The following ZNF667 variants were observed in gnomAD, a reference collection of about 807,000 sequenced individuals.
ZNF667 encodes zinc finger protein 667.
Under a neutral mutation model 31.8 loss-of-function variants are expected in ZNF667, and 13 were observed. The ratio of observed to expected loss-of-function variants is 0.41; its 90% CI spans 0.27 to 0.65. The LOEUF (loss-of-function observed/expected upper bound fraction) is 0.65. Ranked by LOEUF, ZNF667 falls within the 30% of genes least tolerant of loss-of-function variation. The pLI is 0.32. For missense variants in ZNF667, 642 were observed against 725.6 expected, an observed-to-expected ratio of 0.88 and a Z score of 1.32; for synonymous variants, 228 against 247.1, an observed-to-expected ratio of 0.92 and a Z score of 0.73.
At chr19:56,448,056 C>T (rs1600407330) in intron 6 of ZNF667, among the ~76,000 whole-genome samples, 2 of 152,190 alleles carry the variant, frequency 1.3e-5, no homozygotes, top group East Asian at 3.9e-4. Context: ...GTTTTAACAT[C>T]GTATTCAAAG....
rs1035442477 is a variant in ZNF667, at chr19:56,460,935, T to G, written c.34-120A>C. The G allele has an allele frequency of 3.8e-5, 41 of 1,080,336 alleles. No homozygotes were observed. In the African/African-American group the frequency reaches 6.5e-4, roughly 17 times the overall value. 66.9% of individuals were successfully genotyped at this position (1,080,336 alleles called of 1,614,324 possible). A position where few individuals can be genotyped will look rare whatever the true frequency, so the allele number is the denominator to read the frequency against. ...GGTACCAAGAATCATTCAGGAAGCATTCAGGGTTCTGAGGCCAAAAGGGGC... is the reference window on the plus strand; with the variant it reads ...GGTACCAAGAATCATTCAGGAAGCAGTCAGGGTTCTGAGGCCAAAAGGGGC... On this transcript the variant is annotated intron_variant, in intron 4 of 6. Transcript: ENST00000504904.
rs1054314292 is a variant in ZNF667, at chr19:56,444,040, A to T, written c.254-1299T>A. 3 of 388,794 alleles carry T rather than the reference A, an allele frequency of 7.7e-6. No homozygotes were observed. The Admixed American group carries it at 1.3e-4, about 17-fold the overall frequency. The allele number at this position is 388,794 out of a possible 1,614,324, so 24.1% of individuals were successfully genotyped here. On this transcript the variant is annotated intron_variant, in intron 6 of 6. Coordinates refer to ENST00000504904, the MANE Select transcript of ZNF667 (RefSeq NM_001321356.2). ...CTGTGAAAATTTACTACAAAAAAGT[A>T]TAAAGTATCTCATTGTAAAAATGCT...
At chr19:56,459,380 C>T (rs539864766) in intron 5 of ZNF667, among the ~76,000 whole-genome samples, 15 of 152,176 alleles carry the variant, frequency 9.9e-5, no homozygotes, top group Admixed American at 5.2e-4. Context: ...TCTGCTTCAC[C>T]AGCTGCTTCC....
intron 3 of ZNF667, among the ~76,000 whole-genome samples, chr19:56,463,622 G>A (rs1376531688): frequency 4.0e-5 from 6 of 151,766 alleles, no homozygotes; most frequent in East Asian, 1.9e-4. Context: ...CAACCTCCCC[G>A]GCTCAAGCGA....
At chr19:56,444,614 C>T (rs2042687531) in intron 6 of ZNF667, among the ~76,000 whole-genome samples, 1 of 136,172 alleles carries the variant, frequency 7.3e-6, no homozygotes, top group African/African-American at 2.8e-5. Context: ...GGTGAGAAAC[C>T]CACCCCCATG....
intron 5 of ZNF667, among the ~76,000 whole-genome samples, chr19:56,459,702 A>G (rs912943080): frequency 2.1e-5 from 3 of 145,116 alleles, no homozygotes; most frequent in African/African-American, 7.4e-5. Context: ...CTTAAATTCT[A>G]TCAAAAGAGG....
At chr19:56,453,368 T>A (rs2042872964) in intron 6 of ZNF667, among the ~76,000 whole-genome samples, 1 of 152,216 alleles carries the variant, frequency 6.6e-6, no homozygotes, top group African/African-American at 2.4e-5. Context: ...AAACTCATTC[T>A]ACAAGGCCAG....
intron 6 of ZNF667, among the ~76,000 whole-genome samples, chr19:56,446,704 AAAC>A (rs2042716983): frequency 6.6e-6 from 1 of 152,230 alleles, no homozygotes; most frequent in Non-Finnish European, 1.5e-5. Context: ...AAGTTCCAGA[AAAC>A]AACCAGACAA....
intron 6 of ZNF667, among the ~76,000 whole-genome samples, chr19:56,451,868 CAAAAAAAAAAAAAAA>C (rs71184363): frequency 1.3e-3 from 108 of 80,934 alleles, no homozygotes; most frequent in Middle Eastern, 0.011. Context: ...GACCCTGTCT[CAAAAAAAAAAAAAAA>C]AAAAAAAAAA....
intron 3 of ZNF667, among the ~76,000 whole-genome samples, chr19:56,466,469 G>A (rs913074481): frequency 6.6e-6 from 1 of 152,176 alleles, no homozygotes; most frequent in Non-Finnish European, 1.5e-5. Flanking sequence ...GCAGCTGGAG[G>A]TGTGGTTTCC....
chr19:56,461,769 G>A (rs920660595), intron 4 of ZNF667, among the ~76,000 whole-genome samples: 9 of 152,230 alleles, frequency 5.9e-5, no homozygotes, highest in Admixed American at 3.3e-4. Context: ...ATTGACAGTC[G>A]TGGAGCATGC....
At chr19:56,476,615 A>T (rs969088083) in intron 1 of ZNF667, among the ~76,000 whole-genome samples, 1 of 152,210 alleles carries the variant, frequency 6.6e-6, no homozygotes, top group East Asian at 1.9e-4. Flanking sequence ...TTTACCAAGG[A>T]GGAAAGTCAT....
intron 3 of ZNF667, among the ~76,000 whole-genome samples, chr19:56,466,094 T>C (rs568717701): frequency 5.9e-5 from 9 of 152,342 alleles, no homozygotes; most frequent in African/African-American, 1.4e-4. Context: ...TTCTAACTCG[T>C]TACTAAGGGA....
Position 56,440,893 on chromosome 19 carries a change from G to C in ZNF667, c.*269C>G, listed in dbSNP as rs1029838227. 1 of 1,234,876 alleles carries C rather than the reference G, an allele frequency of 8.1e-7. No individual in the cohort carries two copies. The highest frequency in any genetic ancestry group is 1.0e-6 in the Non-Finnish European group (1 of 982,746). The allele number at this position is 1,234,876 out of a possible 1,614,324, so 76.5% of individuals were successfully genotyped here. On this transcript the variant is annotated 3_prime_UTR_variant, in exon 7 of 7. Coordinates refer to ENST00000504904, the MANE Select transcript of ZNF667 (RefSeq NM_001321356.2). Reference sequence around the variant, plus strand: ...CTGTCTCAGCCTCCCAAAGTGCTGGGGTTACAGGTGTAAGCCACTGCGCCC... The same window carrying C: ...CTGTCTCAGCCTCCCAAAGTGCTGGCGTTACAGGTGTAAGCCACTGCGCCC...
At chr19:56,464,427 G>C (rs996826782) in intron 3 of ZNF667, among the ~76,000 whole-genome samples, 8 of 152,212 alleles carry the variant, frequency 5.3e-5, no homozygotes, top group Admixed American at 1.3e-4. Context: ...CTGGGAGGCA[G>C]AGGTTGAGGT....
intron 5 of ZNF667, among the ~76,000 whole-genome samples, chr19:56,459,339 G>A (rs2042996758): frequency 6.6e-6 from 1 of 152,126 alleles, no homozygotes; most frequent in African/African-American, 2.4e-5. Context: ...CTGTTTTGTG[G>A]TGCCAGGGTG....
chr19:56,448,459 C>T (rs1014437084), intron 6 of ZNF667, among the ~76,000 whole-genome samples: 3 of 152,122 alleles, frequency 2.0e-5, no homozygotes, highest in African/African-American at 7.2e-5. Flanking sequence ...GGCTCAGAAC[C>T]AGTGGACTTG....
intron 6 of ZNF667, among the ~76,000 whole-genome samples, chr19:56,455,645 A>C (rs190861264): frequency 2.0e-5 from 3 of 152,314 alleles, no homozygotes; most frequent in Non-Finnish European, 2.9e-5. Flanking sequence ...AAAAAAGGAG[A>C]TGGTTAGTGG....
intron 3 of ZNF667, among the ~76,000 whole-genome samples, chr19:56,465,219 GAC>G (rs1452596228): frequency 2.0e-5 from 3 of 152,182 alleles, no homozygotes; most frequent in Admixed American, 2.0e-4. Context: ...AGTACAGCAG[GAC>G]ACAGCCTGGA....
Sources: allele counts gnomAD v4.1 joint callset (sites outside exome capture counted in the v4.1 genomes callset), GRCh38; gene constraint gnomAD v4.1.1; transcripts MANE v1.5; gene names NCBI Gene and HGNC (gene_info 2026-07-23, HGNC 2026-07-21).